The following PARD3 variants were observed in gnomAD, a reference collection of about 807,000 sequenced individuals.
PARD3 encodes partitioning defective 3 homolog.
In PARD3, 75 loss-of-function variants were observed where a neutral mutation model predicts 155.4. The observed-to-expected ratio is 0.48, with a 90% CI of 0.40 to 0.58. PARD3 has a LOEUF of 0.58. Ranked by LOEUF, PARD3 falls within the 20% of genes least tolerant of loss-of-function variation. PARD3 has a pLI of 0.00. For missense variants in PARD3, 1,642 were observed against 1,721.7 expected, an observed-to-expected ratio of 0.95 and a Z score of 0.82; for synonymous variants, 576 against 610.5, an observed-to-expected ratio of 0.94 and a Z score of 0.83.
chr10:34,233,065 T>A (rs1185636258), intron 22 of PARD3, among the ~76,000 whole-genome samples: 2 of 128,784 alleles, frequency 1.6e-5, no homozygotes, highest in Non-Finnish European at 3.1e-5. Flanking sequence ...GGCCCTGAAC[T>A]GAGGAAACAA....
chr10:34,773,709 G>C (rs551477866), intron 1 of PARD3, among the ~76,000 whole-genome samples: 9 of 152,024 alleles, frequency 5.9e-5, no homozygotes, highest in Admixed American at 3.9e-4. Context: ...AGGTTTATTC[G>C]GTGCTTTTCT....
chr10:34,341,593 A>T lies in PARD3; in HGVS notation c.2408+34T>A, dbSNP rs775915663. 4 of 1,560,176 alleles carry T rather than the reference A, an allele frequency of 2.6e-6. No homozygotes were observed. The African/African-American group carries it at 4.1e-5, about 16-fold the overall frequency. On this transcript the variant is annotated intron_variant, in intron 16 of 24. Coordinates refer to ENST00000374788, the MANE Select transcript of PARD3 (RefSeq NM_001184785.2). The stretch of plus-strand genomic sequence containing the variant: ...TAAACATAAAATGGGACTGTAATTA[A>T]TTCATGTTTTCCAACCCTGGACGAT...
chr10:34,130,142 G>A (rs1947529110), intron 23 of PARD3, among the ~76,000 whole-genome samples: 1 of 152,098 alleles, frequency 6.6e-6, no homozygotes, highest in Admixed American at 6.6e-5. Context: ...AACATCGTCT[G>A]AACTATCGCC....
At chr10:34,399,452 C>T (rs754339840) in intron 6 of PARD3, 39 bp from the exon 7 acceptor site, 2 of 1,372,144 alleles carry the variant, frequency 1.5e-6, no homozygotes, top group Non-Finnish European at 2.1e-6. Flanking sequence ...TGAACGTGTA[C>T]TGTAAACAAA....
chr10:34,132,143 A>G (rs1947646541), intron 22 of PARD3, among the ~76,000 whole-genome samples: 1 of 152,236 alleles, frequency 6.6e-6, no homozygotes, highest in Non-Finnish European at 1.5e-5. Context: ...AGGTCTATAA[A>G]TAAAATGCAA....
intron 1 of PARD3, among the ~76,000 whole-genome samples, chr10:34,797,334 G>C (rs1223234517): frequency 6.6e-6 from 1 of 152,184 alleles, no homozygotes; most frequent in Non-Finnish European, 1.5e-5. Flanking sequence ...TTTATTCTTT[G>C]TAGAGACAGG....
intron 1 of PARD3, among the ~76,000 whole-genome samples, chr10:34,777,230 T>C (rs991074703): frequency 6.6e-6 from 1 of 152,068 alleles, no homozygotes; most frequent in Non-Finnish European, 1.5e-5. Flanking sequence ...CATCTTCCTA[T>C]GTGACAAAGG....
chr10:34,696,581 T>C (rs2094176841), intron 1 of PARD3, among the ~76,000 whole-genome samples, 162 bp from the exon 2 acceptor site: 1 of 151,936 alleles, frequency 6.6e-6, no homozygotes, highest in Non-Finnish European at 1.5e-5. Flanking sequence ...AAGTTTGGTA[T>C]TGAGTCACTG....
At chr10:34,572,674 C>T (rs2086521522) in intron 2 of PARD3, among the ~76,000 whole-genome samples, 1 of 151,180 alleles carries the variant, frequency 6.6e-6, no homozygotes, top group Non-Finnish European at 1.5e-5. Context: ...GAGGAAAAAG[C>T]ACACTGAGCT....
chr10:34,541,875 C>T (rs561123114), intron 2 of PARD3, among the ~76,000 whole-genome samples: 4 of 151,936 alleles, frequency 2.6e-5, no homozygotes, highest in Non-Finnish European at 4.4e-5. Context: ...AACCCACATA[C>T]GTTTTTTGGG....
At chr10:34,666,751 C>A (rs1347410360) in intron 2 of PARD3, among the ~76,000 whole-genome samples, 1 of 131,352 alleles carries the variant, frequency 7.6e-6, no homozygotes, top group Non-Finnish European at 1.6e-5. Context: ...GCATACAGAA[C>A]CTTCCACCTC....
intron 2 of PARD3, among the ~76,000 whole-genome samples, chr10:34,626,855 A>G (rs1411892568): frequency 6.6e-6 from 1 of 152,112 alleles, no homozygotes; most frequent in African/African-American, 2.4e-5. Flanking sequence ...GTGAAATGTC[A>G]TAACCACCAC....
chr10:34,766,085 A>C (rs1838049598), intron 1 of PARD3, among the ~76,000 whole-genome samples: 1 of 152,250 alleles, frequency 6.6e-6, no homozygotes. Flanking sequence ...TAGTGTTATG[A>C]ATCAACAGTC....
chr10:34,152,236 C>T (rs948921635), intron 22 of PARD3, among the ~76,000 whole-genome samples: 6 of 152,188 alleles, frequency 3.9e-5, no homozygotes, highest in African/African-American at 1.4e-4. Context: ...CTTAGAACTA[C>T]AGTCTTGCAT....
chr10:34,247,698 A>G (rs1428720869), intron 22 of PARD3, among the ~76,000 whole-genome samples: 7 of 152,222 alleles, frequency 4.6e-5, no homozygotes, highest in Non-Finnish European at 8.8e-5. Context: ...TGGAATGAAT[A>G]CTTAATTCAC....
At chr10:34,814,564 G>A (rs1328319935) in intron 1 of PARD3, among the ~76,000 whole-genome samples, 1 of 151,982 alleles carries the variant, frequency 6.6e-6, no homozygotes, top group Non-Finnish European at 1.5e-5. Flanking sequence ...GCAGACTCCG[G>A]GGAGGCGCCC....
rs146703956 is a variant in PARD3 at position 34,495,256 on chromosome 10, C to G, written c.403+21723G>C. On this transcript the variant is annotated intron_variant, in intron 3 of 24. Transcript: ENST00000374788. ...GGCATCCTACTGCAGACAAGCAGAT[C>G]TGCCCATCATTGCTTCTGACACCTG... Among the ~76,000 whole-genome samples the G allele has an allele frequency of 3.0e-3, 457 of 151,738 alleles. 2 individuals are homozygous for G. Among genetic ancestry groups the G allele is most frequent in the African/African-American group, 0.01 (431 of 41,146 alleles).
rs1957524778 is a variant in PARD3, at chr10:34,308,437, A to G, written c.3065+8670T>C. 1.3e-5 allele frequency among the ~76,000 whole-genome samples: 2 copies of G among 152,306 alleles called. 1 individual carries two copies. The highest frequency in any genetic ancestry group is 4.1e-4 in the South Asian group (2 of 4,824). ...GTAGGATTGCAGATGTGTACCAAAAACAGAGCTAATGGACTTTTGCTTTTA... is the reference window on the plus strand; with the variant it reads ...GTAGGATTGCAGATGTGTACCAAAAGCAGAGCTAATGGACTTTTGCTTTTA... On this transcript the variant is annotated intron_variant, in intron 20 of 24. Coordinates refer to ENST00000374788, the MANE Select transcript of PARD3 (RefSeq NM_001184785.2).
intron 5 of PARD3, among the ~76,000 whole-genome samples, chr10:34,412,660 T>C (rs1046826576): frequency 1.4e-4 from 22 of 152,340 alleles, no homozygotes; most frequent in Non-Finnish European, 2.9e-4. Flanking sequence ...AACCATATCA[T>C]TTGCTTTTGA....
Sources: allele counts gnomAD v4.1 joint callset (sites outside exome capture counted in the v4.1 genomes callset), GRCh38; gene constraint gnomAD v4.1.1; transcripts MANE v1.5; gene names NCBI Gene and HGNC (gene_info 2026-07-23, HGNC 2026-07-21).